The following GABRA2 variants were observed in gnomAD, a reference collection of about 807,000 sequenced individuals.
The protein encoded by GABRA2 is gamma-aminobutyric acid receptor subunit alpha-2.
GABRA2 carries 16 observed loss-of-function variants against 48.7 expected under a neutral mutation model. The ratio of observed to expected loss-of-function variants is 0.33; its 90% CI spans 0.22 to 0.50. GABRA2 has a LOEUF of 0.50. Among genes scored for constraint, GABRA2 ranks in the 20% least tolerant of loss-of-function variants. The pLI, the probability that GABRA2 is intolerant of heterozygous loss-of-function variation, is 0.98. For missense variants in GABRA2, 275 were observed against 535.6 expected (o/e 0.51, Z 4.80); for synonymous variants, 185 against 184.5 (o/e 1.00, Z -0.02).
At chr4:46,257,198 T>G (rs568657695) in intron 9 of GABRA2, among the ~76,000 whole-genome samples, 3 of 151,786 alleles carry the variant, frequency 2.0e-5, no homozygotes, top group African/African-American at 7.2e-5. Flanking sequence ...CCAAATGGTG[T>G]CAAAACACAA....
At chr4:46,266,916 G>C (rs1577829092) in intron 8 of GABRA2, among the ~76,000 whole-genome samples, 1 of 151,730 alleles carries the variant, frequency 6.6e-6, no homozygotes, top group East Asian at 1.9e-4. Context: ...TAGAGACGGG[G>C]TTTCACCATG....
chr4:46,244,898 T>C lies in GABRA2; in HGVS notation c.*5410A>G, dbSNP rs548563817. Among the ~76,000 whole-genome samples, 37 of 151,336 alleles carry C rather than the reference T, an allele frequency of 2.4e-4. No homozygotes were observed. The highest frequency in any genetic ancestry group is 5.0e-4 in the Non-Finnish European group (34 of 67,554). ...AGTTTTATTGTTGAGTGTTTGCTTT[T>C]TACTTGTTTGTTTTGTTATGTAGAA... On this transcript the variant is annotated 3_prime_UTR_variant, in exon 10 of 10. Transcript: ENST00000381620.
Position 46,388,667 on chromosome 4 carries a change from G to A in GABRA2, c.40C>T (p.Leu14Phe), listed in dbSNP as rs745536229. 28 of 1,613,854 alleles carry A rather than the reference G, an allele frequency of 1.7e-5. No individual in the cohort carries two copies. Among genetic ancestry groups the A allele is most frequent in the Non-Finnish European group, 2.2e-5 (26 of 1,179,966 alleles). Residue 14 changes from leucine to phenylalanine, a missense_variant, in exon 2 of 10, where the codon CTT becomes TTT. This residue lies in a region of GABRA2 where 39 missense variants were observed against 40.5 expected (regional missense o/e 0.96). Coordinates refer to ENST00000381620, the MANE Select transcript of GABRA2 (RefSeq NM_000807.4). ...GGGTCCCACACCAAGAAAACAAAAA[G>A]CAGGAACTGCATGTTGTAGATGTTC... ...KLNIYNMQFL[L>F]FVFLVWDPAR... is the part of the protein sequence containing the mutation.
At chr4:46,355,956 A>G (rs1735895106) in intron 3 of GABRA2, among the ~76,000 whole-genome samples, 1 of 152,102 alleles carries the variant, frequency 6.6e-6, no homozygotes, top group African/African-American at 2.4e-5. Flanking sequence ...TTATTCTCAT[A>G]ATGGCAAATT....
Position 46,388,464 on chromosome 4 carries a change from G to A in GABRA2, c.71+172C>T, listed in dbSNP as rs191925570. ...GCTTTTGGATCTTATCACTAAGAAC[G>A]AGAAGCAGTGAAGTTTTTACAGTCT... On this transcript the variant is annotated intron_variant, in intron 2 of 9. Coordinates refer to ENST00000381620, the MANE Select transcript of GABRA2 (RefSeq NM_000807.4). 1.6e-4 allele frequency among the ~76,000 whole-genome samples: 25 copies of A among 152,246 alleles called. No homozygotes were observed. The East Asian group carries it at 2.5e-3, about 15-fold the overall frequency.
In GABRA2 at chr4:46,351,313, T is replaced by C. The variant is rs758924403; in HGVS notation, c.188-18631A>G. On this transcript the variant is annotated intron_variant, in intron 3 of 9. Coordinates refer to ENST00000381620, the MANE Select transcript of GABRA2 (RefSeq NM_000807.4). The stretch of plus-strand genomic sequence containing the variant: ...AGAAATTCACTAGACGGGAGAGAGA[T>C]GAAAGGATGAAATAAAGATAACTAT... Among the ~76,000 whole-genome samples, 9 of 151,896 alleles carry C rather than the reference T, an allele frequency of 5.9e-5. No homozygotes were observed. The South Asian group carries it at 8.3e-4, about 14-fold the overall frequency.
At chr4:46,282,997 A>C (rs886477842) in intron 8 of GABRA2, among the ~76,000 whole-genome samples, 10 of 152,324 alleles carry the variant, frequency 6.6e-5, no homozygotes, top group African/African-American at 2.2e-4. Context: ...GGTAGTAAAA[A>C]GGCCAGGTTT....
At chr4:46,325,397 C>T (rs753898051) in intron 4 of GABRA2, among the ~76,000 whole-genome samples, 2 of 151,810 alleles carry the variant, frequency 1.3e-5, no homozygotes, top group Admixed American at 1.3e-4. Context: ...AAGAAATGTC[C>T]TTTCATGTCC....
At chr4:46,330,579 TATATATATATATAG>T (rs890310021) in intron 4 of GABRA2, among the ~76,000 whole-genome samples, 2 of 113,732 alleles carry the variant, frequency 1.8e-5, no homozygotes, top group African/African-American at 6.5e-5. Flanking sequence ...TATATATATA[TATATATATATATAG>T]AGAGAGAGAG....
chr4:46,279,386 C>T (rs1269959298), intron 8 of GABRA2, among the ~76,000 whole-genome samples: 1 of 152,136 alleles, frequency 6.6e-6, no homozygotes, highest in African/African-American at 2.4e-5. Flanking sequence ...CTGTACAAGA[C>T]TATCTAAAAT....
intron 4 of GABRA2, among the ~76,000 whole-genome samples, chr4:46,327,587 T>G (rs1483199456): frequency 6.6e-6 from 1 of 152,046 alleles, no homozygotes; most frequent in African/African-American, 2.4e-5. Context: ...TGGCAACTTC[T>G]GATAAAGGAT....
intron 9 of GABRA2, among the ~76,000 whole-genome samples, chr4:46,255,529 A>G (rs938234961): frequency 2.6e-5 from 4 of 151,614 alleles, no homozygotes; most frequent in Non-Finnish European, 5.9e-5. Flanking sequence ...TTATAAACAA[A>G]ATAAAATATA....
In GABRA2 at chr4:46,299,759, T is replaced by G. The variant is rs377377126; in HGVS notation, c.856+3701A>C. 5.3e-5 allele frequency among the ~76,000 whole-genome samples: 8 copies of G among 151,524 alleles called. No homozygotes were observed. The South Asian group carries it at 1.0e-3, about 20-fold the overall frequency. On this transcript the variant is annotated intron_variant, in intron 8 of 9. Coordinates refer to ENST00000381620, the MANE Select transcript of GABRA2 (RefSeq NM_000807.4). ...TCATCTGAAATTCTTCCCTCTTCTA[T>G]AGATATGTTCAATTTCCTTACTCTT...
chr4:46,382,193 C>CATATATATATAT (rs71652883), intron 3 of GABRA2, among the ~76,000 whole-genome samples: 97 of 148,436 alleles, frequency 6.5e-4, no homozygotes, highest in African/African-American at 2.1e-3. Context: ...CACACACACA[C>CATATATATATAT]ATATATATAT....
chr4:46,256,496 G>T (rs1441519426), intron 9 of GABRA2: 13 of 406,572 alleles, frequency 3.2e-5, no homozygotes, highest in Non-Finnish European at 5.7e-5. Context: ...TTTTCAAAAG[G>T]CAATTTCAGT....
chr4:46,388,796 A>G (rs1404810287), intron 1 of GABRA2, 80 bp from the exon 2 acceptor site: 1 of 1,595,876 alleles, frequency 6.3e-7, no homozygotes, highest in African/African-American at 1.4e-5. Flanking sequence ...CCCAAAGAAT[A>G]TCCTTTTAGT....
intron 4 of GABRA2, among the ~76,000 whole-genome samples, chr4:46,313,563 C>CT (rs1454890796): frequency 8.2e-6 from 1 of 121,496 alleles, no homozygotes; most frequent in Non-Finnish European, 1.7e-5. Context: ...ACGTGAAACT[C>CT]TGTTTCTCTC....
rs760402149 is a variant in GABRA2 at position 46,303,605 on chromosome 4, A to G, written c.711T>C (p.Tyr237=). The G allele has an allele frequency of 8.1e-6, 13 of 1,613,210 alleles. No homozygotes were observed. Among genetic ancestry groups the G allele is most frequent in the Non-Finnish European group, 1.1e-5 (13 of 1,179,424 alleles). ...GGTGGAAATGAGCTGTCATTACAGT[A>G]TATTCACCTGGAAGAAAAATTTAAG... ...KETIKSSTGE[Y]TVMTAHFHLK... The change falls in exon 8 of 10, where the codon TAT becomes TAC. Residue 237 remains tyrosine (Y), a synonymous_variant. Transcript: ENST00000381620.
intron 8 of GABRA2, among the ~76,000 whole-genome samples, chr4:46,300,312 C>T (rs113329435): frequency 0.016 from 2,389 of 150,462 alleles, 66 homozygotes; most frequent in African/African-American, 0.055. Flanking sequence ...TGTGTGTGTG[C>T]GCGCGCGTTT....
Sources: allele counts gnomAD v4.1 joint callset (sites outside exome capture counted in the v4.1 genomes callset), GRCh38; gene constraint gnomAD v4.1.1; regional missense constraint gnomAD v4.1.1; transcripts MANE v1.5; gene names NCBI Gene and HGNC (gene_info 2026-07-23, HGNC 2026-07-21).